Variants in KSR1 observed in about 807,000 individuals in gnomAD.
KSR1 encodes the protein kinase suppressor of ras 1, also known as kinase suppressor of ras.
Under a neutral mutation model 92.9 loss-of-function variants are expected in KSR1, and 35 were observed. That is an observed-to-expected ratio of 0.38 (90% CI 0.29 to 0.50). The LOEUF is 0.50. Among genes scored for constraint, KSR1 ranks in the 20% least tolerant of loss-of-function variants. The pLI, the probability that KSR1 is intolerant of heterozygous loss-of-function variation, is 0.94. For synonymous variants in KSR1, 467 were observed against 472.6 expected, an observed-to-expected ratio of 0.99 and a Z score of 0.15; for missense variants, 972 against 1,158.5, an observed-to-expected ratio of 0.84 and a Z score of 2.34.
In KSR1 at chr17:27,598,108, G is replaced by A. The variant is rs575112068; in HGVS notation, c.1468+672G>A. Among the ~76,000 whole-genome samples, 7 of 152,260 alleles carry A rather than the reference G, an allele frequency of 4.6e-5. No homozygotes were observed. The East Asian group carries it at 1.2e-3, about 25-fold the overall frequency. On this transcript the variant is annotated intron_variant, in intron 10 of 20. Transcript: ENST00000644974. The stretch of plus-strand genomic sequence containing the variant: ...TCTCCTGCCCTCAGCTGCTGGCCTG[G>A]GGGTGTCTGCCTCTCCAAGCAGCAG...
intron 16 of KSR1, among the ~76,000 whole-genome samples, 171 bp downstream of exon 16, chr17:27,609,500 G>A (rs919755923): frequency 1.6e-4 from 25 of 152,188 alleles, no homozygotes; most frequent in African/African-American, 5.3e-4. Flanking sequence ...GATTTGGGTC[G>A]CGTTTGGATT....
At chr17:27,561,240 C>G (rs1243288852) in intron 2 of KSR1, among the ~76,000 whole-genome samples, 1 of 152,106 alleles carries the variant, frequency 6.6e-6, no homozygotes, top group Non-Finnish European at 1.5e-5. Context: ...AATATCTTAC[C>G]CAGAATAGCA....
rs140538451 is a variant in KSR1, at chr17:27,577,460, C to G, written c.373-32C>G. 398 of 1,366,654 alleles carry G rather than the reference C, an allele frequency of 2.9e-4. No homozygotes were observed. In the African/African-American group the frequency reaches 4.5e-3, roughly 16 times the overall value. The allele number at this position is 1,366,654 out of a possible 1,614,324, so 84.7% of individuals were successfully genotyped here. The stretch of plus-strand genomic sequence containing the variant: ...GGCTCCCGGCCCAGCCGACTGCTCA[C>G]CGCCTCTCTGCCTGTCCCTCTGTCC... On this transcript the variant is annotated intron_variant, in intron 2 of 20. Transcript: ENST00000644974. This position sits in a 1 kb window ranked among gnomAD's most constrained non-coding sequence, Gnocchi z 4.5.
intron 2 of KSR1, among the ~76,000 whole-genome samples, chr17:27,568,109 A>G (rs896505336): frequency 1.3e-5 from 2 of 152,200 alleles, no homozygotes; most frequent in African/African-American, 2.4e-5. Flanking sequence ...GTTGTTTTCA[A>G]GGTTTCTGGA....
intron 1 of KSR1, among the ~76,000 whole-genome samples, chr17:27,530,908 T>C (rs2070509778): frequency 1.3e-5 from 2 of 152,232 alleles, no homozygotes; most frequent in Non-Finnish European, 2.9e-5. Context: ...CACAAAAAAC[T>C]TCCTATGTTT....
chr17:27,513,199 T>G (rs1251847356), intron 1 of KSR1, among the ~76,000 whole-genome samples: 5 of 152,242 alleles, frequency 3.3e-5, no homozygotes, highest in Non-Finnish European at 7.3e-5. Context: ...TTTGTTCATT[T>G]TCATTGCTGT....
At chr17:27,476,709 G>C (rs2068358344) in intron 1 of KSR1, among the ~76,000 whole-genome samples, 1 of 152,206 alleles carries the variant, frequency 6.6e-6, no homozygotes, top group Admixed American at 6.5e-5. Flanking sequence ...GTTTGGATGA[G>C]GGTGGTGGCG....
At chr17:27,584,240 A>G (rs2072885236) in intron 4 of KSR1, among the ~76,000 whole-genome samples, 1 of 151,856 alleles carries the variant, frequency 6.6e-6, no homozygotes, top group Admixed American at 6.6e-5. Context: ...CAATAAGGGC[A>G]CCCTTTTTCT....
intron 5 of KSR1, among the ~76,000 whole-genome samples, chr17:27,587,937 C>T (rs1321175459): frequency 2.0e-5 from 3 of 152,222 alleles, no homozygotes; most frequent in Admixed American, 6.5e-5. Flanking sequence ...ACCTTGTCCT[C>T]GTTCTATCTG....
intron 1 of KSR1, among the ~76,000 whole-genome samples, chr17:27,508,920 A>G (rs1467158429): frequency 2.0e-5 from 3 of 151,752 alleles, no homozygotes; most frequent in Non-Finnish European, 4.4e-5. Flanking sequence ...TAGTAGAGAT[A>G]GGGTTTCACC....
At chr17:27,615,243 A>C (rs1295238917) in intron 18 of KSR1, among the ~76,000 whole-genome samples, 1 of 152,222 alleles carries the variant, frequency 6.6e-6, no homozygotes, top group African/African-American at 2.4e-5. Flanking sequence ...GGTTGCCATG[A>C]TTAAATCTTC....
intron 1 of KSR1, among the ~76,000 whole-genome samples, chr17:27,517,651 G>T (rs190327278): frequency 5.9e-5 from 9 of 152,158 alleles, no homozygotes; most frequent in African/African-American, 2.2e-4. Flanking sequence ...ATTGAGTACC[G>T]CTCCTGTGTA....
chr17:27,592,468 A>C (rs776833422), intron 8 of KSR1, 46 bp downstream of exon 8: 3 of 1,613,288 alleles, frequency 1.9e-6, no homozygotes, highest in Non-Finnish European at 2.5e-6. Context: ...ATTTGGGTGA[A>C]TCTTTAGCTT....
At position 27,624,991 on chromosome 17, in the gene KSR1, G is replaced by A. The variant is rs2151281228; in HGVS notation, c.*1599G>A. ...GCCGTATTACAGTGCCAGTGTGCCT[G>A]GCCATCAGCATCTTCACCCTTCCCA... On this transcript the variant is annotated 3_prime_UTR_variant, in exon 21 of 21. Transcript: ENST00000644974. 1 of 152,430 alleles carries A rather than the reference G, an allele frequency of 6.6e-6. No individual in the cohort carries two copies. The highest frequency in any genetic ancestry group is 1.5e-5 in the Non-Finnish European group (1 of 68,088). The allele number at this position is 152,430 out of a possible 1,614,324, so 9.4% of individuals were successfully genotyped here.
chr17:27,479,340 G>C (rs1159054893), intron 1 of KSR1, among the ~76,000 whole-genome samples: 2 of 152,090 alleles, frequency 1.3e-5, no homozygotes, highest in Non-Finnish European at 2.9e-5. Context: ...CCTCATCCTG[G>C]AGTGCCAGAC....
intron 17 of KSR1, among the ~76,000 whole-genome samples, chr17:27,610,810 T>C (rs942295283): frequency 9.9e-5 from 15 of 152,226 alleles, no homozygotes; most frequent in African/African-American, 3.6e-4. Context: ...TATTCTTTTT[T>C]CCTACTAAGT....
intron 1 of KSR1, among the ~76,000 whole-genome samples, chr17:27,476,371 A>T (rs2068345616): frequency 6.6e-6 from 1 of 152,154 alleles, no homozygotes; most frequent in Non-Finnish European, 1.5e-5. Flanking sequence ...GAGGGTAGAG[A>T]ACTCAGGGGT....
At chr17:27,597,475 C>T (rs1473926168) in intron 10 of KSR1, 39 bp downstream of exon 10, 4 of 1,552,542 alleles carry the variant, frequency 2.6e-6, no homozygotes, top group Admixed American at 3.7e-5. Flanking sequence ...CTAAGGGATA[C>T]AGTCAGATCC....
rs560380162 is a variant in KSR1, at chr17:27,486,572, G to A, written c.231+29698G>A. 2.2e-4 allele frequency among the ~76,000 whole-genome samples: 33 copies of A among 152,342 alleles called. No individual in the cohort carries two copies. In the South Asian group the frequency reaches 2.5e-3, roughly 11 times the overall value. On this transcript the variant is annotated intron_variant, in intron 1 of 20. Coordinates refer to ENST00000644974, the MANE Select transcript of KSR1 (RefSeq NM_001394583.1). Reference sequence around the variant, plus strand: ...GGCCCTGGAGCCCGTCCACCCATCTGGGTGTACACAGGCTGGAGGCAGCAG... The same window carrying A: ...GGCCCTGGAGCCCGTCCACCCATCTAGGTGTACACAGGCTGGAGGCAGCAG...
Sources: allele counts gnomAD v4.1 joint callset (sites outside exome capture counted in the v4.1 genomes callset), GRCh38; gene constraint gnomAD v4.1.1; non-coding constraint Gnocchi (gnomAD v3.1); transcripts MANE v1.5; gene names NCBI Gene and HGNC (gene_info 2026-07-23, HGNC 2026-07-21).